Variants in ADGRF4 observed in about 807,000 individuals in gnomAD.
The protein encoded by ADGRF4 is adhesion G protein-coupled receptor F4.
A neutral mutation model predicts 58.5 loss-of-function variants in ADGRF4; 63 were observed. That is an observed-to-expected ratio of 1.08 (90% CI 0.88 to 1.33). The LOEUF (loss-of-function observed/expected upper bound fraction) is 1.33. Among genes scored for constraint, ADGRF4 ranks in the 40% most tolerant of loss-of-function variants. The pLI is 0.00. For missense variants in ADGRF4, 931 were observed against 843.9 expected (o/e 1.10, Z -1.28); for synonymous variants, 313 against 295.4 (o/e 1.06, Z -0.61).
At position 47,714,021 on chromosome 6, in the gene ADGRF4, C is replaced by T. The variant is rs769781784; in HGVS notation, c.776C>T (p.Ser259Phe). The change falls in exon 6 of 10, where the codon TCC becomes TTC. Residue 259 changes from serine (S) to phenylalanine (F), a missense_variant. Transcript: ENST00000283303. The stretch of plus-strand genomic sequence containing the variant: ...ACCTCAGAGAAAAGCCTCAATTTCT[C>T]CATGAGCATGAACAATACCACAGAA... ...HNTSEKSLNF[S>F]MSMNNTTEDI... The T allele has an allele frequency of 4.4e-6, 7 of 1,607,980 alleles. No individual in the cohort carries two copies. In the African/African-American group the frequency reaches 9.4e-5, roughly 22 times the overall value.
In ADGRF4 at chr6:47,721,757, C is replaced by A. The variant is rs41273682; in HGVS notation, c.*552C>A. On this transcript the variant is annotated 3_prime_UTR_variant, in exon 10 of 10. Coordinates refer to ENST00000283303, the MANE Select transcript of ADGRF4 (RefSeq NM_153838.5). Reference sequence around the variant, plus strand: ...TGGTACGTTTCCTAAAGATAGGGAACGGAAGAAAAGCAAGAGAACTGTTTA... The same window carrying A: ...TGGTACGTTTCCTAAAGATAGGGAAAGGAAGAAAAGCAAGAGAACTGTTTA... The A allele has an allele frequency of 2.0e-5, 3 of 151,914 alleles. No homozygotes were observed. Among genetic ancestry groups the A allele is most frequent in the African/African-American group, 7.3e-5 (3 of 41,360 alleles). 9.4% of individuals were successfully genotyped at this position (151,914 alleles called of 1,614,324 possible).
intron 2 of ADGRF4, among the ~76,000 whole-genome samples, chr6:47,707,625 A>G (rs1009081614): frequency 2.0e-5 from 3 of 152,228 alleles, no homozygotes; most frequent in Admixed American, 2.0e-4. Flanking sequence ...TGGCAGTTGA[A>G]CAATGGAGAG....
At chr6:47,706,108 A>C (rs1297692976) in intron 1 of ADGRF4, among the ~76,000 whole-genome samples, 1 of 152,206 alleles carries the variant, frequency 6.6e-6, no homozygotes, top group Admixed American at 6.5e-5. Flanking sequence ...TTCTAAAATC[A>C]AAGATCTTTT....
chr6:47,708,897 G>T (rs556210323), intron 3 of ADGRF4, among the ~76,000 whole-genome samples: 48 of 152,154 alleles, frequency 3.2e-4, no homozygotes, highest in Non-Finnish European at 4.9e-4. Context: ...CATTTACTGG[G>T]CATTTAAGAC....
chr6:47,713,666 A>G (rs1285109560), intron 5 of ADGRF4, 132 bp from the exon 6 acceptor site: 5 of 654,914 alleles, frequency 7.6e-6, no homozygotes, highest in Middle Eastern at 8.6e-4. Flanking sequence ...ATTCTAATAC[A>G]TAGGGAATTT....
intron 1 of ADGRF4, among the ~76,000 whole-genome samples, chr6:47,706,192 A>G (rs968097977): frequency 1.3e-5 from 2 of 152,224 alleles, no homozygotes; most frequent in Non-Finnish European, 1.5e-5. Flanking sequence ...CTGAATTGCC[A>G]CTATCCCATA....
Position 47,712,476 on chromosome 6 carries a change from C to G in ADGRF4, c.420C>G (p.Pro140=), listed in dbSNP as rs753979367. The change falls in exon 5 of 10, where the codon CCC becomes CCG. Residue 140 remains proline (P), a synonymous_variant. Transcript: ENST00000283303. ...CTCAAGGAATCCGTAAGAACTGCCC[C>G]TTTGATTATGCCTGCATCACTGACA... The part of the protein sequence containing the change: ...SVAQGIRKNC[P]FDYACITDMV... 1.2e-6 allele frequency: 2 copies of G among 1,614,132 alleles called. No homozygotes were observed. The highest frequency in any genetic ancestry group is 1.7e-6 in the Non-Finnish European group (2 of 1,180,002).
chr6:47,716,504 C>G (rs1772022254), intron 6 of ADGRF4, among the ~76,000 whole-genome samples: 1 of 152,120 alleles, frequency 6.6e-6, no homozygotes, highest in Non-Finnish European at 1.5e-5. Flanking sequence ...AAACAGCTAC[C>G]TCAATATTTG....
At position 47,699,903 on chromosome 6, in the gene ADGRF4, T is replaced by TACACAC. The variant is rs138771559; in HGVS notation, c.-17+1125_-17+1130dup. On this transcript the variant is annotated intron_variant, in intron 1 of 9. Coordinates refer to ENST00000283303, the MANE Select transcript of ADGRF4 (RefSeq NM_153838.5). ...ATTAGGGGAACAACACACACACACA[T>TACACAC]ACACACACACACACACACACAGACG... 2.2e-4 allele frequency among the ~76,000 whole-genome samples: 32 copies of TACACAC among 146,550 alleles called. 1 individual carries two copies. The highest frequency in any genetic ancestry group is 4.8e-4 in the Admixed American group (7 of 14,724).
chr6:47,712,142 G>A (rs995570400), intron 4 of ADGRF4, among the ~76,000 whole-genome samples: 2 of 152,104 alleles, frequency 1.3e-5, no homozygotes, highest in African/African-American at 4.8e-5. Context: ...CAATAGTAAA[G>A]GTCAATATCC....
At chr6:47,719,187 G>T (rs969553769) in intron 9 of ADGRF4, among the ~76,000 whole-genome samples, 59 of 152,250 alleles carry the variant, frequency 3.9e-4, no homozygotes, top group African/African-American at 1.3e-3. Context: ...AAAACAAGGG[G>T]CTGAGTCTCA....
rs1468798542 is a variant in ADGRF4 at position 47,715,041 on chromosome 6, T to C, written c.1796T>C (p.Ile599Thr). Residue 599 changes from isoleucine (I) to threonine (T), a missense_variant, in exon 6 of 10, where the codon ATA becomes ACA. Coordinates refer to ENST00000283303, the MANE Select transcript of ADGRF4 (RefSeq NM_153838.5). ...AGTTCCAAGTCTCAGGATGTGGTCA[T>C]AATTATGAGGATCAGCAAAAATGTT... ...IGSSKSQDVVIIMRISKNVAI... is the reference protein window; with the variant it reads ...IGSSKSQDVVTIMRISKNVAI... The C allele has an allele frequency of 1.2e-5, 19 of 1,613,532 alleles. No homozygotes were observed. Among genetic ancestry groups the C allele is most frequent in the Non-Finnish European group, 1.6e-5 (19 of 1,179,470 alleles).
At position 47,708,783 on chromosome 6, in the gene ADGRF4, T is replaced by C. The variant is rs114955952; in HGVS notation, c.148+505T>C. On this transcript the variant is annotated intron_variant, in intron 3 of 9. Transcript: ENST00000283303. ...AGTGAAATCATGTGGTTCTCACTCA[T>C]GTAGTAGGGAATAACTGGATTCTGC... Among the ~76,000 whole-genome samples, 660 of 152,296 alleles carry C rather than the reference T, an allele frequency of 4.3e-3. 3 individuals carry two copies. The highest frequency in any genetic ancestry group is 0.014 in the African/African-American group (574 of 41,546).
chr6:47,700,683 G>A (rs998194715), intron 1 of ADGRF4, among the ~76,000 whole-genome samples: 2 of 152,172 alleles, frequency 1.3e-5, no homozygotes, highest in Non-Finnish European at 2.9e-5. Flanking sequence ...ACAATAAAGA[G>A]GAGGTCCACA....
At chr6:47,709,466 C>T (rs1192803484) in intron 3 of ADGRF4, among the ~76,000 whole-genome samples, 1 of 152,184 alleles carries the variant, frequency 6.6e-6, no homozygotes, top group African/African-American at 2.4e-5. Flanking sequence ...AAAATATTTA[C>T]TCTCTGGCTA....
chr6:47,714,502 CCTGA>C lies in ADGRF4; in HGVS notation c.1258_1261del (p.Leu420SerfsTer12). On this transcript the variant is annotated frameshift_variant, in exon 6 of 10. Coordinates refer to ENST00000283303, the MANE Select transcript of ADGRF4 (RefSeq NM_153838.5). LOFTEE classifies it high-confidence loss of function. ...TCTCAATCCTAAGCTTGGTTCTTTG[CCTGA>C]TCATTGAAGCCACAGTGTGGTCCCG... 1.2e-6 allele frequency: 2 copies of C among 1,614,090 alleles called. No individual in the cohort carries two copies. Among genetic ancestry groups the C allele is most frequent in the Non-Finnish European group, 1.7e-6 (2 of 1,180,010 alleles).
chr6:47,712,698 G>A, intron 5 of ADGRF4, 90 bp downstream of exon 5: 1 of 916,370 alleles, frequency 1.1e-6, no homozygotes, highest in South Asian at 1.7e-5. Context: ...AAAAACTACA[G>A]TGACAGCAAC....
rs975182312 is a variant in ADGRF4, at chr6:47,721,773, G to C, written c.*568G>C. On this transcript the variant is annotated 3_prime_UTR_variant, in exon 10 of 10. Coordinates refer to ENST00000283303, the MANE Select transcript of ADGRF4 (RefSeq NM_153838.5). ...GATAGGGAACGGAAGAAAAGCAAGA[G>C]AACTGTTTAATATGCTGATTATTTT... 6.6e-6 allele frequency: 1 copy of C among 152,078 alleles called. No individual in the cohort carries two copies. Among genetic ancestry groups the C allele is most frequent in the Non-Finnish European group, 1.5e-5 (1 of 68,024 alleles). 9.4% of individuals were successfully genotyped at this position (152,078 alleles called of 1,614,324 possible). A position where few individuals can be genotyped will look rare whatever the true frequency, so the allele number is the denominator to read the frequency against.
chr6:47,715,007 T>G lies in ADGRF4; in HGVS notation c.1762T>G (p.Ser588Ala). ...TGTTGCTGTCAACACTCAGAGGCCCTCTATTGGCAGTTCCAAGTCTCAGGA... is the reference window on the plus strand; with the variant it reads ...TGTTGCTGTCAACACTCAGAGGCCCGCTATTGGCAGTTCCAAGTCTCAGGA... Reference protein sequence around the residue: ...LVVAVNTQRPSIGSSKSQDVV... With the variant: ...LVVAVNTQRPAIGSSKSQDVV... Residue 588 changes from serine (S) to alanine (A), a missense_variant, in exon 6 of 10, where the codon TCT becomes GCT. Coordinates refer to ENST00000283303, the MANE Select transcript of ADGRF4 (RefSeq NM_153838.5). The G allele has an allele frequency of 6.2e-7, 1 of 1,613,456 alleles. No homozygotes were observed. The highest frequency in any genetic ancestry group is 8.5e-7 in the Non-Finnish European group (1 of 1,179,394).
Sources: allele counts gnomAD v4.1 joint callset (sites outside exome capture counted in the v4.1 genomes callset), GRCh38; gene constraint gnomAD v4.1.1; transcripts MANE v1.5; gene names NCBI Gene and HGNC (gene_info 2026-07-23, HGNC 2026-07-21).